Variants in P2RY8 observed in about 807,000 individuals in gnomAD.
The protein encoded by P2RY8 is P2Y receptor family member 8, also known as S-geranylgeranyl-glutathione receptor P2RY8.
A neutral mutation model predicts 10.0 loss-of-function variants in P2RY8; 6 were observed. The ratio of observed to expected loss-of-function variants is 0.60; its 90% confidence interval spans 0.33 to 1.19. The LOEUF (loss-of-function observed/expected upper bound fraction) is 1.19. P2RY8 is among the 50% of genes most tolerant of loss of function. The pLI is 0.04. For missense variants in P2RY8, 456 were observed against 542.0 expected, an observed-to-expected ratio of 0.84 and a Z score of 1.58; for synonymous variants, 276 against 252.5, an observed-to-expected ratio of 1.09 and a Z score of -0.88.
rs2091598841 is a variant in P2RY8 at position 1,462,635 on chromosome X, A to G, written c.*2844T>C. The G allele has an allele frequency of 4.3e-6, 1 of 232,638 alleles. No individual in the cohort carries two copies. The highest frequency in any genetic ancestry group is 8.5e-6 in the Non-Finnish European group (1 of 117,852). The allele number at this position is 232,638 out of a possible 1,614,324, so 14.4% of individuals were successfully genotyped here. A position where few individuals can be genotyped will look rare whatever the true frequency, so the allele number is the denominator to read the frequency against. ...TGTTTTATTTTTATTTTTTACAGAGATGAGTTCTCACTGTGTTGCCTAGGT... is the reference window on the plus strand; with the variant it reads ...TGTTTTATTTTTATTTTTTACAGAGGTGAGTTCTCACTGTGTTGCCTAGGT... On this transcript the variant is annotated 3_prime_UTR_variant, in exon 2 of 2. Coordinates refer to ENST00000381297, the MANE Select transcript of P2RY8 (RefSeq NM_178129.5).
At chrX:1,490,525 A>T (rs2092035025) in intron 1 of P2RY8, among the ~76,000 whole-genome samples, 1 of 146,134 alleles carries the variant, frequency 6.8e-6, no homozygotes, top group Admixed American at 6.8e-5. Context: ...ATGTGGAGGG[A>T]ATGAATGAAT....
intron 1 of P2RY8, among the ~76,000 whole-genome samples, chrX:1,536,054 G>T (rs186886672): frequency 5.9e-5 from 9 of 152,010 alleles, no homozygotes; most frequent in Admixed American, 3.9e-4. Flanking sequence ...TTTAAAACCC[G>T]TTTAATTTAT....
intron 1 of P2RY8, among the ~76,000 whole-genome samples, chrX:1,482,157 T>TGCG (rs1164366556): frequency 1.8e-5 from 2 of 114,050 alleles, no homozygotes; most frequent in African/African-American, 7.8e-5. Flanking sequence ...AATTTGTGTG[T>TGCG]GTGGTGTGTG....
chrX:1,513,842 T>C (rs1426677024), intron 1 of P2RY8, among the ~76,000 whole-genome samples: 20 of 151,994 alleles, frequency 1.3e-4, no homozygotes, highest in Admixed American at 4.6e-4. Context: ...TCTCTGCCTC[T>C]GTCTCCCCAT....
chrX:1,470,615 G>C (rs1255368832), intron 1 of P2RY8, among the ~76,000 whole-genome samples: 12 of 152,076 alleles, frequency 7.9e-5, no homozygotes, highest in Admixed American at 1.3e-4. Flanking sequence ...TCCTGTCTCT[G>C]TGGATCTGCC....
intron 1 of P2RY8, among the ~76,000 whole-genome samples, chrX:1,524,684 T>TG (rs2092424661): frequency 8.2e-6 from 1 of 122,502 alleles, no homozygotes; most frequent in African/African-American, 3.0e-5. Context: ...CATCCATCCA[T>TG]CCATCCATCC....
At chrX:1,495,559 TCCAGGACTGTGGGAGAA>T in intron 1 of P2RY8, among the ~76,000 whole-genome samples, 3 of 146,690 alleles carry the variant, frequency 2.0e-5, no homozygotes, top group African/African-American at 5.2e-5. Flanking sequence ...ACCTCCAGCC[TCCAGGACTGTGGGAGAA>T]TCAATGTTTG....
chrX:1,534,063 T>C (rs868594972), intron 1 of P2RY8, among the ~76,000 whole-genome samples: 2 of 126,876 alleles, frequency 1.6e-5, no homozygotes, highest in Non-Finnish European at 1.5e-5. Flanking sequence ...TATATATTTG[T>C]ATATTATTTA....
chrX:1,527,900 T>C (rs1277666418), intron 1 of P2RY8, among the ~76,000 whole-genome samples: 3 of 152,198 alleles, frequency 2.0e-5, no homozygotes, highest in African/African-American at 4.8e-5. Flanking sequence ...TGTTAATCTA[T>C]TCTGGTCTCT....
At chrX:1,531,760 A>C (rs1409360300) in intron 1 of P2RY8, among the ~76,000 whole-genome samples, 5 of 152,188 alleles carry the variant, frequency 3.3e-5, no homozygotes, top group African/African-American at 1.2e-4. Flanking sequence ...GCACAAAAGC[A>C]TCAACGCAGT....
rs561198680 is a variant in P2RY8 at position 1,521,326 on chromosome X, A to G, written c.-25+15595T>C. ...CTCCCAAAGTGCTGGGATTACAGGC[A>G]TGAGCCACCGCGCCCGGCCTTTATC... is the stretch of plus-strand genomic sequence containing the variant. On this transcript the variant is annotated intron_variant, in intron 1 of 1. Transcript: ENST00000381297. Among the ~76,000 whole-genome samples the G allele has an allele frequency of 3.6e-3, 541 of 152,098 alleles. 6 individuals are homozygous for G. Among genetic ancestry groups the G allele is most frequent in the African/African-American group, 0.012 (503 of 41,512 alleles).
intron 1 of P2RY8, among the ~76,000 whole-genome samples, chrX:1,481,833 T>C (rs1269965972): frequency 1.3e-5 from 2 of 152,154 alleles, no homozygotes; most frequent in African/African-American, 4.8e-5. Flanking sequence ...CCTGCTGGCG[T>C]CGGCCTCAGA....
chrX:1,518,091 A>G (rs1196861578), intron 1 of P2RY8, among the ~76,000 whole-genome samples: 3 of 146,386 alleles, frequency 2.0e-5, no homozygotes, highest in African/African-American at 7.6e-5. Flanking sequence ...CCTGGGCAAC[A>G]ACAGCGAAAC....
chrX:1,523,066 C>A lies in P2RY8; in HGVS notation c.-25+13855G>T, dbSNP rs377153297. Among the ~76,000 whole-genome samples the A allele has an allele frequency of 7.8e-3, 1,116 of 143,092 alleles. 6 individuals carry two copies. The highest frequency in any genetic ancestry group is 0.028 in the African/African-American group (1,071 of 38,452). 93.9% of individuals were successfully genotyped at this position (143,092 alleles called of 152,430 possible). A position where few individuals can be genotyped will look rare whatever the true frequency, so the allele number is the denominator to read the frequency against. On this transcript the variant is annotated intron_variant, in intron 1 of 1. Coordinates refer to ENST00000381297, the MANE Select transcript of P2RY8 (RefSeq NM_178129.5). ...CCTGGGCGACAGAGAGAGACTCCAT[C>A]CCCCACTGCCAAAAATAAATAAATA...
At chrX:1,527,367 C>A (rs1404377118) in intron 1 of P2RY8, among the ~76,000 whole-genome samples, 6 of 151,642 alleles carry the variant, frequency 4.0e-5, no homozygotes, top group African/African-American at 1.5e-4. Flanking sequence ...CATACATCCA[C>A]TATTCATTTG....
chrX:1,524,444 TCCA>T (rs2092416977), intron 1 of P2RY8, among the ~76,000 whole-genome samples: 4 of 135,866 alleles, frequency 2.9e-5, no homozygotes, highest in Non-Finnish European at 3.3e-5. Flanking sequence ...CATCCATTCA[TCCA>T]TCTATCCATC....
At chrX:1,535,853 T>C (rs1385991501) in intron 1 of P2RY8, among the ~76,000 whole-genome samples, 1 of 151,942 alleles carries the variant, frequency 6.6e-6, no homozygotes, top group Non-Finnish European at 1.5e-5. Flanking sequence ...TGGCCTGAAA[T>C]TCCCAGAGCA....
At chrX:1,500,437 C>G (rs1373077900) in intron 1 of P2RY8, among the ~76,000 whole-genome samples, 3 of 151,376 alleles carry the variant, frequency 2.0e-5, no homozygotes, top group African/African-American at 4.9e-5. Flanking sequence ...ACCACCATGC[C>G]CAGCTAATTT....
intron 1 of P2RY8, among the ~76,000 whole-genome samples, chrX:1,505,357 G>C (rs529000452): frequency 2.6e-5 from 4 of 152,242 alleles, no homozygotes; most frequent in African/African-American, 9.6e-5. Flanking sequence ...TGGCCTTGGC[G>C]TCTTAATGAC....
Sources: allele counts gnomAD v4.1 joint callset (sites outside exome capture counted in the v4.1 genomes callset), GRCh38; gene constraint gnomAD v4.1.1; transcripts MANE v1.5; gene names NCBI Gene and HGNC (gene_info 2026-07-23, HGNC 2026-07-21).